Variants in RASGRP3 observed in about 807,000 individuals in gnomAD.
RASGRP3 encodes the protein ras guanyl-releasing protein 3.
In RASGRP3, 54 loss-of-function variants were observed where a neutral mutation model predicts 82.7. That is an observed-to-expected ratio of 0.65 (90% CI 0.52 to 0.82). The LOEUF (loss-of-function observed/expected upper bound fraction) is 0.82. RASGRP3 is among the 40% of genes least tolerant of loss of function. The pLI, the probability that RASGRP3 is intolerant of heterozygous loss-of-function variation, is 0.00. For missense variants in RASGRP3, 861 were observed against 828.9 expected (o/e 1.04, Z -0.48); for synonymous variants, 309 against 300.5 (o/e 1.03, Z -0.29).
intron 11 of RASGRP3, among the ~76,000 whole-genome samples, chr2:33,537,759 A>T (rs1307875090): frequency 1.3e-5 from 2 of 152,206 alleles, no homozygotes; most frequent in Non-Finnish European, 2.9e-5. Flanking sequence ...CAGGGAGAGG[A>T]TATAAAGTGA....
Position 33,438,201 on chromosome 2 carries a change from A to C in RASGRP3, c.-385+1610A>C, listed in dbSNP as rs536016200. On this transcript the variant is annotated intron_variant, in intron 1 of 18. Coordinates refer to the RASGRP3 transcript ENST00000402538. ...TATGAGTTAGATGTATTATTTCAAG[A>C]ATATATTTTTTCACTTGTAAAAGGC... Among the ~76,000 whole-genome samples the C allele has an allele frequency of 3.9e-5, 6 of 152,346 alleles. No individual in the cohort carries two copies. In the South Asian group the frequency reaches 1.2e-3, roughly 32 times the overall value.
At chr2:33,442,654 C>T (rs1459930913) in intron 1 of RASGRP3, among the ~76,000 whole-genome samples, 2 of 152,196 alleles carry the variant, frequency 1.3e-5, no homozygotes, top group African/African-American at 4.8e-5. Context: ...TCTATGACTT[C>T]ACTGCATTCA....
At chr2:33,560,020 T>C (rs970487754) in intron 17 of RASGRP3, among the ~76,000 whole-genome samples, 10 of 152,184 alleles carry the variant, frequency 6.6e-5, no homozygotes, top group African/African-American at 2.4e-4. Context: ...GCTGAAACAC[T>C]TTTTTTGTTT....
chr2:33,486,170 T>A (rs866559279), intron 1 of RASGRP3, among the ~76,000 whole-genome samples: 2,761 of 151,354 alleles, frequency 0.018, 83 homozygotes, highest in African/African-American at 0.063. Flanking sequence ...ATTTATTTTT[T>A]TTTTTTTTGA....
chr2:33,469,462 A>ATT lies in RASGRP3; in HGVS notation c.-261+21534_-261+21535dup, dbSNP rs113071930. On this transcript the variant is annotated intron_variant, in intron 2 of 18. Coordinates refer to the RASGRP3 transcript ENST00000402538. Reference sequence around the variant, plus strand: ...GTGATTCTCTTCAAGTTTGTATGTGATTTTTTTTTTTTTTTTGACATGGAG... The same window carrying ATT: ...GTGATTCTCTTCAAGTTTGTATGTGATTTTTTTTTTTTTTTTTTGACATGGAG... Among the ~76,000 whole-genome samples the ATT allele has an allele frequency of 1.6e-4, 22 of 141,790 alleles. 1 individual carries two copies. Among genetic ancestry groups the ATT allele is most frequent in the East Asian group, 1.0e-3 (5 of 4,928 alleles). 93.0% of individuals were successfully genotyped at this position (141,790 alleles called of 152,430 possible).
chr2:33,520,334 AAGAG>A (rs1317235096), intron 5 of RASGRP3, among the ~76,000 whole-genome samples: 1 of 152,142 alleles, frequency 6.6e-6, no homozygotes, highest in African/African-American at 2.4e-5. Flanking sequence ...TCTCAACTGA[AAGAG>A]AGGCTATGAG....
chr2:33,544,432 AT>A (rs1339560211), intron 13 of RASGRP3, among the ~76,000 whole-genome samples: 1 of 152,226 alleles, frequency 6.6e-6, no homozygotes, highest in Non-Finnish European at 1.5e-5. Context: ...TAAAGAAAAA[AT>A]ATATTGCTTT....
intron 1 of RASGRP3, among the ~76,000 whole-genome samples, chr2:33,497,685 G>GGA (rs1669452781): frequency 6.6e-6 from 1 of 152,150 alleles, no homozygotes; most frequent in African/African-American, 2.4e-5. Context: ...CCTCTTTGCA[G>GGA]GAAGATATGT....
intron 2 of RASGRP3, among the ~76,000 whole-genome samples, chr2:33,465,392 C>T (rs980193660): frequency 2.6e-5 from 4 of 152,124 alleles, no homozygotes; most frequent in African/African-American, 9.7e-5. Context: ...ATAACACTAT[C>T]TCCATAACAT....
At chr2:33,544,450 T>C (rs772327969) in intron 13 of RASGRP3, among the ~76,000 whole-genome samples, 81 of 152,116 alleles carry the variant, frequency 5.3e-4, no homozygotes, top group Non-Finnish European at 8.1e-4. Context: ...CTTTTTAGCG[T>C]CAAATGATTC....
At chr2:33,546,010 A>G (rs911899081) in intron 13 of RASGRP3, among the ~76,000 whole-genome samples, 1 of 151,512 alleles carries the variant, frequency 6.6e-6, no homozygotes, top group Non-Finnish European at 1.5e-5. Context: ...AGGTTTCATC[A>G]TGTTGGCCAG....
At chr2:33,505,383 A>G (rs1200594999) in intron 1 of RASGRP3, among the ~76,000 whole-genome samples, 1 of 151,252 alleles carries the variant, frequency 6.6e-6, no homozygotes, top group Non-Finnish European at 1.5e-5. Context: ...GCTCACCACA[A>G]CCTCTGCCTC....
intron 2 of RASGRP3, among the ~76,000 whole-genome samples, chr2:33,458,511 G>GGT (rs953125899): frequency 1.3e-5 from 2 of 152,172 alleles, no homozygotes; most frequent in Admixed American, 1.3e-4. Context: ...CAAACTCTGT[G>GGT]GTGAAGCCGT....
chr2:33,448,640 T>G (rs1665625709), intron 2 of RASGRP3, among the ~76,000 whole-genome samples: 1 of 152,054 alleles, frequency 6.6e-6, no homozygotes, highest in African/African-American at 2.4e-5. Flanking sequence ...GAAAGTAGAT[T>G]AGAGGTGGCT....
At chr2:33,536,206 G>C (rs1176368413) in intron 11 of RASGRP3, among the ~76,000 whole-genome samples, 1 of 151,760 alleles carries the variant, frequency 6.6e-6, no homozygotes, top group African/African-American at 2.4e-5. Context: ...GGAGGCTGAG[G>C]CGGGAGGATC....
intron 2 of RASGRP3, among the ~76,000 whole-genome samples, chr2:33,467,596 G>A (rs1194361506): frequency 1.3e-5 from 2 of 152,252 alleles, no homozygotes; most frequent in Non-Finnish European, 2.9e-5. Flanking sequence ...GATGGGATGA[G>A]ATGTGGTATG....
chr2:33,558,622 G>C (rs774557732), intron 16 of RASGRP3, 50 bp from the exon 17 acceptor site: 1 of 1,466,630 alleles, frequency 6.8e-7, no homozygotes, highest in South Asian at 1.3e-5. Flanking sequence ...TTGATGCTTT[G>C]CTGTCAAGCA....
At chr2:33,455,479 T>G (rs1665989701) in intron 2 of RASGRP3, among the ~76,000 whole-genome samples, 1 of 152,272 alleles carries the variant, frequency 6.6e-6, no homozygotes, top group African/African-American at 2.4e-5. Context: ...GAATGATATC[T>G]GGAGAGATGC....
chr2:33,502,699 G>C (rs1403645948), intron 1 of RASGRP3, among the ~76,000 whole-genome samples: 3 of 151,942 alleles, frequency 2.0e-5, no homozygotes, highest in African/African-American at 4.8e-5. Flanking sequence ...ATTTTTATTA[G>C]AGACAGCGTT....
Sources: gnomAD v4.1 joint callset for allele counts (sites outside exome capture counted in the v4.1 genomes callset) on GRCh38, gnomAD v4.1.1 for gene constraint, MANE v1.5 for transcripts, NCBI Gene and HGNC (gene_info 2026-07-23, HGNC 2026-07-21) for gene names.